RASGRF2: variants seen among roughly 807,000 people sequenced by gnomAD.
The protein encoded by RASGRF2 is ras-specific guanine nucleotide-releasing factor 2.
Under a neutral mutation model 151.0 loss-of-function variants are expected in RASGRF2, and 76 were observed. The observed-to-expected ratio is 0.50, with a 90% CI of 0.42 to 0.61. RASGRF2 has a LOEUF of 0.61. Among genes scored for constraint, RASGRF2 ranks in the 20% least tolerant of loss-of-function variants. The probability of loss-of-function intolerance (pLI) is 0.00; values close to 1 mark genes in which losing one functional copy is unlikely to be tolerated. For missense variants in RASGRF2, 1,148 were observed against 1,564.6 expected (o/e 0.73, Z 4.49); for synonymous variants, 504 against 566.5 (o/e 0.89, Z 1.57).
intron 1 of RASGRF2, among the ~76,000 whole-genome samples, chr5:80,990,609 C>T (rs1580173540): frequency 6.6e-6 from 1 of 152,166 alleles, no homozygotes; most frequent in Non-Finnish European, 1.5e-5. Context: ...CGGTCCACAC[C>T]TTTGCTGCCT....
Position 81,113,844 on chromosome 5 carries a change from C to T in RASGRF2, c.2394C>T (p.Ser798=). The T allele has an allele frequency of 6.2e-7, 1 of 1,614,180 alleles. No homozygotes were observed. ...GAGGCCTCTCTTCTCCAGAGCAAAG[C>T]CCGGGAACGGTAGAAGAGAATGTCG... The part of the protein sequence containing the change: ...LSRGLSSPEQ[S]PGTVEENVDN... Residue 798 remains serine (S), a synonymous_variant, in exon 15 of 27, where the codon AGC becomes AGT. Transcript: ENST00000265080.
At position 80,971,793 on chromosome 5, in the gene RASGRF2, C is replaced by T. The variant is rs555066065; in HGVS notation, c.288+10767C>T. The stretch of plus-strand genomic sequence containing the variant: ...CCATATTGCCCAGGCTGGTCTCAAC[C>T]GCCTGGGCTCAAGCAATCTGCTCCC... On this transcript the variant is annotated intron_variant, in intron 1 of 26. Transcript: ENST00000265080. 6.4e-4 allele frequency among the ~76,000 whole-genome samples: 98 copies of T among 152,116 alleles called. 1 individual carries two copies. The highest frequency in any genetic ancestry group is 2.2e-3 in the African/African-American group (91 of 41,522).
chr5:81,034,214 G>A (rs1209622735), intron 1 of RASGRF2, among the ~76,000 whole-genome samples: 7 of 152,196 alleles, frequency 4.6e-5, no homozygotes, highest in Non-Finnish European at 8.8e-5. Flanking sequence ...ACCATCACTG[G>A]CCATCAGAGA....
At chr5:81,124,231 A>G (rs931029719) in intron 16 of RASGRF2, among the ~76,000 whole-genome samples, 3 of 152,244 alleles carry the variant, frequency 2.0e-5, no homozygotes, top group Non-Finnish European at 4.4e-5. Context: ...CCTAAAACCA[A>G]TACCCTACAG....
intron 2 of RASGRF2, among the ~76,000 whole-genome samples, chr5:81,052,118 C>T (rs1393608712): frequency 1.3e-5 from 2 of 152,080 alleles, no homozygotes; most frequent in Admixed American, 6.5e-5. Flanking sequence ...GATAATTCTA[C>T]CAATACCTGC....
chr5:81,167,424 T>C (rs1033657829), intron 17 of RASGRF2, among the ~76,000 whole-genome samples: 2 of 152,146 alleles, frequency 1.3e-5, no homozygotes, highest in Non-Finnish European at 2.9e-5. Flanking sequence ...AACCGAGAGA[T>C]TGTTAAAATT....
chr5:81,034,811 G>GGA (rs1478017271), intron 1 of RASGRF2, among the ~76,000 whole-genome samples: 3 of 131,616 alleles, frequency 2.3e-5, no homozygotes, highest in Non-Finnish European at 4.9e-5. Context: ...GGGTGGGAGG[G>GGA]GGGTAGGGAT....
At chr5:81,123,553 G>A (rs1753368893) in intron 15 of RASGRF2, 89 bp from the exon 16 acceptor site, 3 of 1,442,820 alleles carry the variant, frequency 2.1e-6, no homozygotes, top group Non-Finnish European at 2.8e-6. Flanking sequence ...CTTATTATCT[G>A]TAATGAACTT....
At chr5:80,962,517 G>A (rs1338493948) in intron 1 of RASGRF2, among the ~76,000 whole-genome samples, 2 of 151,408 alleles carry the variant, frequency 1.3e-5, no homozygotes, top group African/African-American at 4.9e-5. Flanking sequence ...AGTAGAATAG[G>A]GTATTTTAAA....
intron 18 of RASGRF2, among the ~76,000 whole-genome samples, chr5:81,187,362 A>C (rs1045141637): frequency 6.6e-6 from 1 of 152,240 alleles, no homozygotes; most frequent in African/African-American, 2.4e-5. Flanking sequence ...CAGTATAAAC[A>C]GCACAGTTCT....
rs1244610936 is a variant in RASGRF2, at chr5:81,226,492, GC to G, written c.*723del. 2 of 152,254 alleles carry G rather than the reference GC, an allele frequency of 1.3e-5. No homozygotes were observed. The highest frequency in any genetic ancestry group is 1.3e-4 in the Admixed American group (2 of 15,284). The allele number at this position is 152,254 out of a possible 1,614,324, so 9.4% of individuals were successfully genotyped here. ...AGTGGCTGGCTGAGGTGGGTGGGGA[GC>G]TTTTCCTTGAGACTGTTGGTCCTAA... is the stretch of plus-strand genomic sequence containing the variant. On this transcript the variant is annotated 3_prime_UTR_variant, in exon 27 of 27. Transcript: ENST00000265080.
chr5:81,003,404 T>C (rs763212884), intron 1 of RASGRF2, among the ~76,000 whole-genome samples: 16 of 152,118 alleles, frequency 1.1e-4, no homozygotes, highest in South Asian at 2.1e-4. Flanking sequence ...TTTGTATTTT[T>C]AGTAGAGACA....
chr5:81,085,788 C>G lies in RASGRF2; in HGVS notation c.1162-14C>G, dbSNP rs758501892. On this transcript the variant is annotated splice_polypyrimidine_tract_variant and intron_variant, in intron 7 of 26. Transcript: ENST00000265080. Reference sequence around the variant, plus strand: ...CCTGATGTCTTGCTCATACTGGCCTCTGTTTGCATCTAGATCCCCAGATAT... The same window carrying G: ...CCTGATGTCTTGCTCATACTGGCCTGTGTTTGCATCTAGATCCCCAGATAT... 1.1e-5 allele frequency: 18 copies of G among 1,613,870 alleles called. No homozygotes were observed. The South Asian group carries it at 1.8e-4, about 16-fold the overall frequency.
intron 18 of RASGRF2, among the ~76,000 whole-genome samples, chr5:81,198,640 C>T (rs964385607): frequency 2.6e-5 from 4 of 152,122 alleles, no homozygotes; most frequent in African/African-American, 7.2e-5. Flanking sequence ...GGGGTTTCAC[C>T]GTGTTAGCCA....
chr5:81,224,510 T>A (rs1755928997), intron 26 of RASGRF2, among the ~76,000 whole-genome samples: 1 of 152,240 alleles, frequency 6.6e-6, no homozygotes, highest in Non-Finnish European at 1.5e-5. Context: ...AGCACTTATC[T>A]TAGGACCTAG....
chr5:81,173,213 C>T (rs886956205), intron 17 of RASGRF2, among the ~76,000 whole-genome samples: 1 of 151,984 alleles, frequency 6.6e-6, no homozygotes, highest in Non-Finnish European at 1.5e-5. Flanking sequence ...CCCATCTCTA[C>T]TAAAAATACA....
At chr5:81,152,347 T>G (rs1460573833) in intron 17 of RASGRF2, among the ~76,000 whole-genome samples, 2 of 152,214 alleles carry the variant, frequency 1.3e-5, no homozygotes, top group Non-Finnish European at 2.9e-5. Context: ...GGTACTCAAC[T>G]CAGCCTTTGG....
At chr5:81,168,037 A>G (rs1377511107) in intron 17 of RASGRF2, among the ~76,000 whole-genome samples, 1 of 152,022 alleles carries the variant, frequency 6.6e-6, no homozygotes, top group Non-Finnish European at 1.5e-5. Flanking sequence ...CATATTTCAC[A>G]GCAAAAGCAG....
At chr5:81,131,353 A>G (rs1580345347) in intron 17 of RASGRF2, among the ~76,000 whole-genome samples, 1 of 151,970 alleles carries the variant, frequency 6.6e-6, no homozygotes, top group Admixed American at 6.6e-5. Flanking sequence ...CCTGGTTTTC[A>G]ATCTTTTTGG....
Sources: allele counts gnomAD v4.1 joint callset (sites outside exome capture counted in the v4.1 genomes callset), GRCh38; gene constraint gnomAD v4.1.1; transcripts MANE v1.5; gene names NCBI Gene and HGNC (gene_info 2026-07-23, HGNC 2026-07-21).